NRXN3: variants seen among roughly 807,000 people sequenced by gnomAD.
The protein encoded by NRXN3 is neurexin III.
Under a neutral mutation model 137.6 loss-of-function variants are expected in NRXN3, and 32 were observed. That is an observed-to-expected ratio of 0.23 (90% CI 0.18 to 0.31). The LOEUF is 0.31. Among genes scored for constraint, NRXN3 ranks in the 10% least tolerant of loss-of-function variants. The pLI is 1.00. For synonymous variants in NRXN3, 798 were observed against 784.5 expected, an observed-to-expected ratio of 1.02 and a Z score of -0.29; for missense variants, 1,574 against 2,062.5, an observed-to-expected ratio of 0.76 and a Z score of 4.59.
rs191255558 is a variant in NRXN3 at position 79,405,478 on chromosome 14, A to T, written c.3263-61743A>T. Among the ~76,000 whole-genome samples the T allele has an allele frequency of 3.3e-3, 501 of 152,258 alleles. 1 individual carries two copies. Among genetic ancestry groups the T allele is most frequent in the South Asian group, 0.011 (53 of 4,828 alleles). On this transcript the variant is annotated intron_variant, in intron 15 of 20. Coordinates refer to ENST00000335750, the MANE Select transcript of NRXN3 (RefSeq NM_001330195.2). ...AGGTTTCTTCAGATACTAGTCTCTGATCCCACAGGAGATTCTAGAAGATGC... is the reference window on the plus strand; with the variant it reads ...AGGTTTCTTCAGATACTAGTCTCTGTTCCCACAGGAGATTCTAGAAGATGC...
intron 20 of NRXN3, chr14:79,823,885 A>G (rs1454059566): frequency 2.2e-6 from 1 of 450,244 alleles, no homozygotes; most frequent in Non-Finnish European, 4.5e-6. Context: ...CCATAAGGTC[A>G]GTTCTGTTCA....
chr14:78,797,965 C>T (rs1348394744), intron 8 of NRXN3, among the ~76,000 whole-genome samples: 1 of 152,184 alleles, frequency 6.6e-6, no homozygotes, highest in Admixed American at 6.5e-5. Flanking sequence ...GTCCCTCCCA[C>T]AGATGCGGGA....
intron 16 of NRXN3, among the ~76,000 whole-genome samples, chr14:79,532,576 A>G (rs1047172221): frequency 1.3e-5 from 2 of 152,080 alleles, no homozygotes; most frequent in Admixed American, 1.3e-4. Flanking sequence ...AGTTGTTACG[A>G]CGGCTTACTC....
chr14:79,280,398 C>A lies in NRXN3; in HGVS notation c.3263-186823C>A, dbSNP rs567880888. ...TGTATCGTCAGCTCTGTATGGAGTT[C>A]TTCTAATGTAGCTTCCTCCTCCTCC... On this transcript the variant is annotated intron_variant, in intron 15 of 20. Transcript: ENST00000335750. 2.5e-6 allele frequency: 4 copies of A among 1,614,102 alleles called. No individual in the cohort carries two copies. The South Asian group carries it at 4.4e-5, about 18-fold the overall frequency.
intron 15 of NRXN3, among the ~76,000 whole-genome samples, chr14:79,219,960 C>T (rs528540825): frequency 6.6e-6 from 1 of 152,232 alleles, no homozygotes; most frequent in South Asian, 2.1e-4. Context: ...ATTCCCACTG[C>T]CTTGCTTTAT....
intron 15 of NRXN3, among the ~76,000 whole-genome samples, chr14:79,185,382 A>T (rs2063401274): frequency 6.6e-6 from 1 of 152,216 alleles, no homozygotes; most frequent in Non-Finnish European, 1.5e-5. Flanking sequence ...ACACATGGTG[A>T]AACATTCTAA....
intron 8 of NRXN3, among the ~76,000 whole-genome samples, chr14:78,760,618 A>G (rs989843870): frequency 2.0e-5 from 3 of 151,698 alleles, no homozygotes; most frequent in East Asian, 3.9e-4. Context: ...GAGCCAGCCT[A>G]AAGAGTTTAG....
At chr14:78,284,738 G>GTCTCATATTCTCTCCCA (rs2074925043) in intron 3 of NRXN3, among the ~76,000 whole-genome samples, 1 of 152,016 alleles carries the variant, frequency 6.6e-6, no homozygotes, top group African/African-American at 2.4e-5. Context: ...GTTCTCTCCT[G>GTCTCATATTCTCTCCCA]TCTCATATTC....
At chr14:79,630,863 C>T (rs2098337517) in intron 16 of NRXN3, among the ~76,000 whole-genome samples, 1 of 152,180 alleles carries the variant, frequency 6.6e-6, no homozygotes, top group Non-Finnish European at 1.5e-5. Context: ...CCCTAATATA[C>T]CCGTATATAG....
chr14:78,880,206 C>A (rs1249835073), intron 10 of NRXN3, among the ~76,000 whole-genome samples: 3 of 129,624 alleles, frequency 2.3e-5, no homozygotes, highest in Non-Finnish European at 4.5e-5. Context: ...CGCCACTGCA[C>A]TCCAGCCTGG....
chr14:78,190,817 G>A (rs1033049790), intron 1 of NRXN3, among the ~76,000 whole-genome samples: 1 of 151,890 alleles, frequency 6.6e-6, no homozygotes, highest in African/African-American at 2.4e-5. Context: ...GGGATTACAG[G>A]TGCCCACCAC....
chr14:78,750,440 C>A (rs1030108134), intron 8 of NRXN3, among the ~76,000 whole-genome samples: 3 of 151,882 alleles, frequency 2.0e-5, no homozygotes, highest in Non-Finnish European at 2.9e-5. Flanking sequence ...GGAAAGACAG[C>A]CAAATTGGAA....
intron 1 of NRXN3, among the ~76,000 whole-genome samples, chr14:78,233,198 G>T (rs1246835753): frequency 3.9e-5 from 6 of 152,136 alleles, no homozygotes; most frequent in African/African-American, 1.4e-4. Context: ...ATCCTGGAAG[G>T]TGTATTCATT....
chr14:79,081,860 G>T (rs2047082754), intron 15 of NRXN3, among the ~76,000 whole-genome samples: 1 of 152,022 alleles, frequency 6.6e-6, no homozygotes, highest in African/African-American at 2.4e-5. Context: ...AGGCACTGCG[G>T]TATGCCTCCC....
intron 15 of NRXN3, among the ~76,000 whole-genome samples, chr14:79,428,566 G>T (rs887726044): frequency 4.6e-5 from 7 of 151,856 alleles, no homozygotes; most frequent in African/African-American, 1.7e-4. Flanking sequence ...ACTGCATGTG[G>T]GTATAAGTTT....
chr14:78,977,255 G>C (rs1373954059), intron 14 of NRXN3, among the ~76,000 whole-genome samples: 1 of 152,174 alleles, frequency 6.6e-6, no homozygotes, highest in Non-Finnish European at 1.5e-5. Context: ...GTATCTGAGA[G>C]TGTCCTCCAT....
At chr14:79,674,729 C>G (rs1217372848) in intron 17 of NRXN3, among the ~76,000 whole-genome samples, 1 of 152,078 alleles carries the variant, frequency 6.6e-6, no homozygotes, top group Non-Finnish European at 1.5e-5. Context: ...ACACTGTAAT[C>G]CCATTATTAA....
At chr14:78,980,880 G>C (rs1343602198) in intron 14 of NRXN3, among the ~76,000 whole-genome samples, 3 of 152,112 alleles carry the variant, frequency 2.0e-5, no homozygotes, top group African/African-American at 7.2e-5. Flanking sequence ...TTTCTCAAAG[G>C]GATATGTGAC....
intron 15 of NRXN3, among the ~76,000 whole-genome samples, chr14:79,389,799 C>T (rs974772536): frequency 2.6e-5 from 4 of 152,148 alleles, no homozygotes; most frequent in Non-Finnish European, 5.9e-5. Flanking sequence ...GTCTCTCTCT[C>T]TCTGATTAAT....
Sources: allele counts gnomAD v4.1 joint callset (sites outside exome capture counted in the v4.1 genomes callset), GRCh38; gene constraint gnomAD v4.1.1; transcripts MANE v1.5; gene names NCBI Gene and HGNC (gene_info 2026-07-23, HGNC 2026-07-21).